MARCHF1: variants seen among roughly 807,000 people sequenced by gnomAD.
MARCHF1 encodes the protein membrane associated ring-CH-type finger 1.
Under a neutral mutation model 54.2 loss-of-function variants are expected in MARCHF1, and 40 were observed. The ratio of observed to expected loss-of-function variants is 0.74; its 90% confidence interval spans 0.57 to 0.96. MARCHF1 has a LOEUF of 0.96. MARCHF1 is among the 40% of genes least tolerant of loss of function. The pLI, the probability that MARCHF1 is intolerant of heterozygous loss-of-function variation, is 0.00. For synonymous variants in MARCHF1, 236 were observed against 236.3 expected, an observed-to-expected ratio of 1.00 and a Z score of 0.01; for missense variants, 586 against 656.5, an observed-to-expected ratio of 0.89 and a Z score of 1.17.
chr4:163,687,181 T>C (rs935662558), intron 5 of MARCHF1, among the ~76,000 whole-genome samples: 1 of 152,070 alleles, frequency 6.6e-6, no homozygotes, highest in Non-Finnish European at 1.5e-5. Context: ...TCGAGTTACC[T>C]GTCTAACCCC....
intron 7 of MARCHF1, 143 bp downstream of exon 7, chr4:163,612,128 C>T: frequency 8.3e-6 from 6 of 721,880 alleles, no homozygotes; most frequent in Non-Finnish European, 1.2e-5. Flanking sequence ...TTCATACCCA[C>T]CTTTTCTCCT....
intron 5 of MARCHF1, among the ~76,000 whole-genome samples, chr4:163,663,430 T>C (rs568159697): frequency 2.6e-5 from 4 of 152,084 alleles, no homozygotes; most frequent in Non-Finnish European, 5.9e-5. Context: ...GAGATTTTTC[T>C]TTTCTTTTTC....
At chr4:163,879,177 T>C (rs1292560000) in intron 3 of MARCHF1, among the ~76,000 whole-genome samples, 1 of 152,204 alleles carries the variant, frequency 6.6e-6, no homozygotes, top group Non-Finnish European at 1.5e-5. Context: ...TTGCATACAT[T>C]GGAAAAGGGT....
rs541402041 is a variant in MARCHF1 at position 163,801,918 on chromosome 4, C to A, written c.111+52103G>T. Among the ~76,000 whole-genome samples, 5 of 151,748 alleles carry A rather than the reference C, an allele frequency of 3.3e-5. No homozygotes were observed. The South Asian group carries it at 1.0e-3, about 32-fold the overall frequency. On this transcript the variant is annotated intron_variant, in intron 4 of 9. Coordinates refer to ENST00000514618, the MANE Select transcript of MARCHF1 (RefSeq NM_001394959.1). ...CAGTTGGGGTGTTTATTTTTTTCAC[C>A]CAAGAGAGAAATTTTTACTTTTAAA... is the stretch of plus-strand genomic sequence containing the variant.
At chr4:164,206,423 G>A (rs1272981256) in intron 1 of MARCHF1, among the ~76,000 whole-genome samples, 1 of 152,060 alleles carries the variant, frequency 6.6e-6, no homozygotes, top group Non-Finnish European at 1.5e-5. Flanking sequence ...GGCAACAACA[G>A]CAAAACTCAG....
chr4:164,229,749 C>G (rs1453280387), intron 1 of MARCHF1, among the ~76,000 whole-genome samples: 3 of 152,086 alleles, frequency 2.0e-5, no homozygotes, highest in Admixed American at 2.0e-4. Flanking sequence ...GGAGTACAGA[C>G]TTCACATGGC....
At chr4:164,311,168 G>A (rs965556805) in intron 1 of MARCHF1, among the ~76,000 whole-genome samples, 3 of 151,966 alleles carry the variant, frequency 2.0e-5, no homozygotes, top group Non-Finnish European at 2.9e-5. Context: ...TTAGTTAACC[G>A]TCCTCTATAC....
At chr4:163,719,329 C>T (rs1745367045) in intron 4 of MARCHF1, among the ~76,000 whole-genome samples, 1 of 152,106 alleles carries the variant, frequency 6.6e-6, no homozygotes, top group African/African-American at 2.4e-5. Flanking sequence ...TGGTTTCTAG[C>T]TTCATCCATG....
chr4:163,609,982 A>G (rs775890428), intron 7 of MARCHF1, among the ~76,000 whole-genome samples: 1 of 152,084 alleles, frequency 6.6e-6, no homozygotes, highest in African/African-American at 2.4e-5. Flanking sequence ...ACCTAGTCAT[A>G]TAAGTTCATG....
intron 5 of MARCHF1, among the ~76,000 whole-genome samples, chr4:163,645,123 ATTGT>A (rs1168086412): frequency 6.6e-6 from 1 of 152,092 alleles, no homozygotes; most frequent in East Asian, 1.9e-4. Flanking sequence ...TAACAGGCCC[ATTGT>A]CTTCAGACTC....
At chr4:163,585,537 C>T in intron 8 of MARCHF1, 2 of 379,634 alleles carry the variant, frequency 5.3e-6, no homozygotes, top group South Asian at 9.1e-5. Flanking sequence ...AGTAATATAT[C>T]AATCAGAAGC....
chr4:163,537,320 A>G (rs997706934), intron 9 of MARCHF1, among the ~76,000 whole-genome samples: 3 of 152,204 alleles, frequency 2.0e-5, no homozygotes, highest in African/African-American at 7.2e-5. Context: ...TTGTTAGCAA[A>G]GACAAAAGAA....
chr4:164,164,083 G>A (rs1262644614), intron 1 of MARCHF1, among the ~76,000 whole-genome samples: 1 of 151,772 alleles, frequency 6.6e-6, no homozygotes, highest in East Asian at 1.9e-4. Context: ...TACTAAAGCA[G>A]TTCTTAAGAA....
rs1276131925 is a variant in MARCHF1, at chr4:163,553,631, T to C, written c.1192-7888A>G. Reference sequence around the variant, plus strand: ...ATGGAGCAAATATCATTATAGGTTTTAATATATGCCCCAGTAACTTCTCAT... The same window carrying C: ...ATGGAGCAAATATCATTATAGGTTTCAATATATGCCCCAGTAACTTCTCAT... On this transcript the variant is annotated intron_variant, in intron 8 of 9. Coordinates refer to ENST00000514618, the MANE Select transcript of MARCHF1 (RefSeq NM_001394959.1). 2.6e-5 allele frequency among the ~76,000 whole-genome samples: 4 copies of C among 152,382 alleles called. No homozygotes were observed. In the East Asian group the frequency reaches 5.8e-4, roughly 22 times the overall value.
At chr4:163,532,954 T>C (rs1738403351) in intron 9 of MARCHF1, among the ~76,000 whole-genome samples, 1 of 151,994 alleles carries the variant, frequency 6.6e-6, no homozygotes, top group African/African-American at 2.4e-5. Flanking sequence ...GAAGACAGTC[T>C]GGCAGTTTTT....
At chr4:164,248,966 C>T (rs935738042) in intron 1 of MARCHF1, among the ~76,000 whole-genome samples, 7 of 151,968 alleles carry the variant, frequency 4.6e-5, no homozygotes, top group African/African-American at 1.7e-4. Flanking sequence ...ATAAACCAAA[C>T]ATGAACCTCT....
intron 3 of MARCHF1, among the ~76,000 whole-genome samples, chr4:163,953,387 C>G (rs960461740): frequency 3.2e-4 from 49 of 152,044 alleles, no homozygotes; most frequent in African/African-American, 1.2e-3. Context: ...TGGTTGTCAT[C>G]AAGCCATTCA....
intron 2 of MARCHF1, among the ~76,000 whole-genome samples, chr4:164,006,990 GAAAAAAAAAAAAAAAAAA>G (rs57195057): frequency 2.6e-4 from 6 of 23,168 alleles, no homozygotes; most frequent in Admixed American, 6.5e-4. Flanking sequence ...TCTGAAATCT[GAAAAAAAAAAAAAAAAAA>G]AAAAAAAAAA....
chr4:164,288,540 T>G (rs981022548), intron 1 of MARCHF1, among the ~76,000 whole-genome samples: 1 of 151,990 alleles, frequency 6.6e-6, no homozygotes, highest in Non-Finnish European at 1.5e-5. Context: ...GAATTTCTAT[T>G]AATAGGTATG....
Sources: gnomAD v4.1 joint callset for allele counts (sites outside exome capture counted in the v4.1 genomes callset) on GRCh38, gnomAD v4.1.1 for gene constraint, MANE v1.5 for transcripts, NCBI Gene and HGNC (gene_info 2026-07-23, HGNC 2026-07-21) for gene names.